Variants in RAPGEF2 observed in about 807,000 individuals in gnomAD.
RAPGEF2 encodes Rap guanine nucleotide exchange factor 2.
A neutral mutation model predicts 186.7 loss-of-function variants in RAPGEF2; 54 were observed. That is an observed-to-expected ratio of 0.29 (90% CI 0.23 to 0.36). The LOEUF is 0.36. Among genes scored for constraint, RAPGEF2 ranks in the 10% least tolerant of loss-of-function variants. RAPGEF2 has a pLI of 1.00. For missense variants in RAPGEF2, 1,532 were observed against 2,045.0 expected (o/e 0.75, Z 4.84); for synonymous variants, 712 against 705.9 (o/e 1.01, Z -0.14).
chr4:159,292,946 C>G (rs1761427472), intron 7 of RAPGEF2, among the ~76,000 whole-genome samples: 2 of 152,112 alleles, frequency 1.3e-5, no homozygotes, highest in South Asian at 4.1e-4. Context: ...TCTCAAGTTA[C>G]ATACACAGCA....
At position 159,251,166 on chromosome 4, in the gene RAPGEF2, C is replaced by G. The variant is rs193156418; in HGVS notation, c.543+7375C>G. Among the ~76,000 whole-genome samples the G allele has an allele frequency of 4.4e-3, 677 of 152,372 alleles. 3 individuals are homozygous for G. Among genetic ancestry groups the G allele is most frequent in the African/African-American group, 0.016 (647 of 41,594 alleles). On this transcript the variant is annotated intron_variant, in intron 7 of 29. Transcript: ENST00000691494. Reference sequence around the variant, plus strand: ...AATTCTCGCCAGGCCTCAGCCACCTCCCCATGGGGCAGGGCTCGGGACCTG... The same window carrying G: ...AATTCTCGCCAGGCCTCAGCCACCTGCCCATGGGGCAGGGCTCGGGACCTG...
Position 159,290,599 on chromosome 4 carries a change from A to G in RAPGEF2, c.544-13743A>G, listed in dbSNP as rs115836917. Among the ~76,000 whole-genome samples, 1,263 of 152,324 alleles carry G rather than the reference A, an allele frequency of 8.3e-3. 15 individuals are homozygous for G. The highest frequency in any genetic ancestry group is 0.028 in the African/African-American group (1,178 of 41,564). Reference sequence around the variant, plus strand: ...ATGTACTTTCTAAGAGAGTTACTCAACTGGTGATGTAAATCAATCATGGCA... The same window carrying G: ...ATGTACTTTCTAAGAGAGTTACTCAGCTGGTGATGTAAATCAATCATGGCA... On this transcript the variant is annotated intron_variant, in intron 7 of 29. Coordinates refer to ENST00000691494, the MANE Select transcript of RAPGEF2 (RefSeq NM_001394067.2).
At chr4:159,130,336 C>G in intron 1 of RAPGEF2, among the ~76,000 whole-genome samples, 1 of 152,086 alleles carries the variant, frequency 6.6e-6, no homozygotes, top group East Asian at 1.9e-4. Context: ...CTTATTTTAC[C>G]CAGCCCCTAT....
At position 159,315,526 on chromosome 4, in the gene RAPGEF2, T is replaced by C. The variant is rs1162177632; in HGVS notation, c.853+758T>C. ...AGACAAAGAGATAAAAGAAAAGGCA[T>C]TTAGGCCCGGGGACCACTACCACCA... On this transcript the variant is annotated intron_variant, in intron 9 of 29. Transcript: ENST00000691494. Among the ~76,000 whole-genome samples, 50 of 151,884 alleles carry C rather than the reference T, an allele frequency of 3.3e-4. 1 individual carries two copies. The highest frequency in any genetic ancestry group is 1.6e-4 in the Non-Finnish European group (11 of 67,954).
chr4:159,286,030 A>AACCACCACCACCACCACCACCACC (rs35426817), intron 7 of RAPGEF2, among the ~76,000 whole-genome samples: 1 of 89,302 alleles, frequency 1.1e-5, no homozygotes, highest in African/African-American at 3.8e-5. Flanking sequence ...TGTTCCCCCC[A>AACCACCACCACCACCACCACCACC]ACCACCACCA....
At chr4:159,224,744 G>C (rs1426465263) in intron 4 of RAPGEF2, among the ~76,000 whole-genome samples, 1 of 152,204 alleles carries the variant, frequency 6.6e-6, no homozygotes, top group African/African-American at 2.4e-5. Context: ...ATCCCTGGAA[G>C]ATCTGGTAAA....
At chr4:159,256,523 C>G (rs949250248) in intron 7 of RAPGEF2, among the ~76,000 whole-genome samples, 1 of 152,160 alleles carries the variant, frequency 6.6e-6, no homozygotes, top group Admixed American at 6.5e-5. Context: ...GTGTGAGTAT[C>G]TTTGTAATAG....
At chr4:159,146,026 CAG>C (rs1294679521) in intron 1 of RAPGEF2, among the ~76,000 whole-genome samples, 1 of 151,992 alleles carries the variant, frequency 6.6e-6, no homozygotes, top group Non-Finnish European at 1.5e-5. Flanking sequence ...CTGTATGTAA[CAG>C]TATCTTTTTT....
intron 1 of RAPGEF2, among the ~76,000 whole-genome samples, chr4:159,105,705 G>A (rs955996842): frequency 5.9e-5 from 9 of 152,160 alleles, no homozygotes; most frequent in African/African-American, 2.2e-4. Context: ...TTTTAAAATG[G>A]TCAGTTGGAT....
intron 24 of RAPGEF2, 122 bp downstream of exon 24, chr4:159,345,451 A>G: frequency 6.2e-6 from 5 of 808,392 alleles, no homozygotes; most frequent in Non-Finnish European, 5.9e-6. Context: ...ATCCTGAGAT[A>G]TACTAGTCTT....
At chr4:159,322,292 T>A (rs1302892484) in intron 9 of RAPGEF2, 55 bp from the exon 10 acceptor site, 2 of 1,540,582 alleles carry the variant, frequency 1.3e-6, no homozygotes, top group Non-Finnish European at 1.8e-6. Flanking sequence ...TCTTTTTGAA[T>A]ACTTGTTTTT....
At chr4:159,221,445 G>A (rs1425234068) in intron 4 of RAPGEF2, among the ~76,000 whole-genome samples, 1 of 152,174 alleles carries the variant, frequency 6.6e-6, no homozygotes, top group Non-Finnish European at 1.5e-5. Flanking sequence ...ATTTCTATTT[G>A]TATCTCATTG....
chr4:159,220,585 C>T (rs182007549), intron 4 of RAPGEF2, among the ~76,000 whole-genome samples: 5 of 152,292 alleles, frequency 3.3e-5, no homozygotes, highest in East Asian at 3.9e-4. Context: ...AGTTACTGAT[C>T]GCTGTGGTCT....
intron 7 of RAPGEF2, among the ~76,000 whole-genome samples, chr4:159,295,148 G>A (rs1028982122): frequency 6.6e-6 from 1 of 152,162 alleles, no homozygotes; most frequent in South Asian, 2.1e-4. Context: ...TTAACATTAA[G>A]AGAAAATATA....
At chr4:159,298,144 C>T (rs1276476908) in intron 7 of RAPGEF2, among the ~76,000 whole-genome samples, 1 of 152,066 alleles carries the variant, frequency 6.6e-6, no homozygotes, top group Non-Finnish European at 1.5e-5. Flanking sequence ...AAAAGTCTAC[C>T]TGTAGTTTAA....
intron 7 of RAPGEF2, among the ~76,000 whole-genome samples, chr4:159,288,571 AC>A (rs1417010734): frequency 6.6e-6 from 1 of 152,014 alleles, no homozygotes; most frequent in Non-Finnish European, 1.5e-5. Flanking sequence ...ATAAAACAAA[AC>A]TGGGTCTTGT....
chr4:159,231,235 C>G (rs1209347313), intron 4 of RAPGEF2, among the ~76,000 whole-genome samples: 2 of 152,140 alleles, frequency 1.3e-5, no homozygotes, highest in African/African-American at 4.8e-5. Context: ...TTATAGTAGG[C>G]TATACCATCT....
At chr4:159,217,339 G>A (rs1751082781) in intron 4 of RAPGEF2, among the ~76,000 whole-genome samples, 1 of 152,094 alleles carries the variant, frequency 6.6e-6, no homozygotes, top group African/African-American at 2.4e-5. Context: ...CCTCACTCTT[G>A]TAGTCCCCAG....
intron 1 of RAPGEF2, among the ~76,000 whole-genome samples, chr4:159,174,820 A>G (rs1469127418): frequency 6.6e-6 from 1 of 150,792 alleles, no homozygotes; most frequent in Non-Finnish European, 1.5e-5. Context: ...GCATTGGCAC[A>G]GTGACAGCAC....
Sources: gnomAD v4.1 joint callset for allele counts (sites outside exome capture counted in the v4.1 genomes callset) on GRCh38, gnomAD v4.1.1 for gene constraint, MANE v1.5 for transcripts, NCBI Gene and HGNC (gene_info 2026-07-23, HGNC 2026-07-21) for gene names.